Variants in ABCA13 observed in about 807,000 individuals in gnomAD.
The protein encoded by ABCA13 is ATP-binding cassette sub-family A member 13.
ABCA13 carries 476 observed loss-of-function variants against 478.7 expected under a neutral mutation model. The observed-to-expected ratio is 0.99, with a 90% confidence interval of 0.92 to 1.07. The LOEUF is 1.07. Ranked by LOEUF, ABCA13 falls within the 50% of genes least tolerant of loss-of-function variation. The pLI is 0.00. For synonymous variants in ABCA13, 2,252 were observed against 2,158.9 expected (o/e 1.04, Z -1.20); for missense variants, 6,060 against 5,910.6 (o/e 1.03, Z -0.83).
chr7:48,393,240 T>C (rs963923105), intron 38 of ABCA13, among the ~76,000 whole-genome samples: 1 of 152,188 alleles, frequency 6.6e-6, no homozygotes, highest in Non-Finnish European at 1.5e-5. Flanking sequence ...AATCCAGTGC[T>C]GGGGTCATCG....
At chr7:48,459,282 GC>G (rs1826000998) in intron 43 of ABCA13, among the ~76,000 whole-genome samples, 3 of 152,080 alleles carry the variant, frequency 2.0e-5, no homozygotes, top group African/African-American at 7.2e-5. Context: ...GCTCCATATT[GC>G]CCAAGGGATG....
chr7:48,439,124 A>T (rs891023156), intron 42 of ABCA13, among the ~76,000 whole-genome samples: 2 of 152,112 alleles, frequency 1.3e-5, no homozygotes, highest in East Asian at 3.9e-4. Flanking sequence ...ATTTTCTCAC[A>T]GTTTCTTTTG....
At chr7:48,339,751 G>A (rs865775595) in intron 29 of ABCA13, among the ~76,000 whole-genome samples, 11 of 152,214 alleles carry the variant, frequency 7.2e-5, no homozygotes, top group Middle Eastern at 3.4e-3. Flanking sequence ...TTCTGCTTCC[G>A]CCTGACGCTA....
chr7:48,324,443 T>C (rs1803996120), intron 27 of ABCA13, among the ~76,000 whole-genome samples: 1 of 152,212 alleles, frequency 6.6e-6, no homozygotes, highest in South Asian at 2.1e-4. Context: ...GGGTTAAGAC[T>C]TCAGCATATG....
chr7:48,353,680 TA>T (rs372951799), intron 31 of ABCA13, among the ~76,000 whole-genome samples: 1 of 151,586 alleles, frequency 6.6e-6, no homozygotes, highest in African/African-American at 2.4e-5. Context: ...GCTGCATACA[TA>T]ATAGCACATC....
rs376187591 is a variant in ABCA13 at position 48,248,359 on chromosome 7, C to T, written c.1780C>T (p.Arg594Trp). The T allele has an allele frequency of 2.1e-4, 334 of 1,613,646 alleles. 2 individuals are homozygous for T. The highest frequency in any genetic ancestry group is 2.6e-4 in the Non-Finnish European group (302 of 1,179,750). ...GTCAGAAGCAAGCCTTTCCTGTACT[C>T]GGCTCTTCCTGCTGCTGGGAGCTGA... ...QLSEASLSCT[R>W]LFLLLGADPS... Residue 594 changes from arginine (R) to tryptophan (W), a missense_variant, in exon 14 of 62, where the codon CGG (arginine) becomes TGG (tryptophan). By Grantham distance (101) the Arg-to-Trp change is moderately radical (BLOSUM62 -3). This residue lies in a region of ABCA13 where 4,423 missense variants were observed against 4,309.1 expected (regional missense o/e 1.03). Transcript: ENST00000435803.
At chr7:48,356,665 A>C (rs1809975564) in intron 31 of ABCA13, among the ~76,000 whole-genome samples, 2 of 151,844 alleles carry the variant, frequency 1.3e-5, no homozygotes, top group Non-Finnish European at 2.9e-5. Flanking sequence ...CCAGCAGCTC[A>C]TGGAACTAAT....
intron 3 of ABCA13, among the ~76,000 whole-genome samples, chr7:48,207,174 G>A (rs1031369159): frequency 3.3e-5 from 5 of 151,914 alleles, no homozygotes; most frequent in Admixed American, 1.3e-4. Flanking sequence ...AATAATATAC[G>A]TACTACATTT....
intron 37 of ABCA13, among the ~76,000 whole-genome samples, chr7:48,390,295 C>T (rs1044823933): frequency 1.4e-4 from 21 of 152,152 alleles, no homozygotes; most frequent in African/African-American, 4.8e-4. Context: ...TTGAGTCATC[C>T]TAAGTGGCTG....
chr7:48,582,094 A>G (rs1195895803), intron 56 of ABCA13, among the ~76,000 whole-genome samples: 7 of 152,230 alleles, frequency 4.6e-5, no homozygotes, highest in African/African-American at 1.7e-4. Context: ...GAGAAATTAG[A>G]CACAGTTTAA....
At chr7:48,410,977 C>CTCTTTCTTTTTCTT (rs1818946347) in intron 40 of ABCA13, among the ~76,000 whole-genome samples, 2 of 104,642 alleles carry the variant, frequency 1.9e-5, no homozygotes, top group Non-Finnish European at 4.0e-5. Context: ...AAATTCTTTT[C>CTCTTTCTTTTTCTT]TCTTTCTTTC....
At chr7:48,248,526 A>G in intron 14 of ABCA13, 82 bp downstream of exon 14, 1 of 1,126,742 alleles carries the variant, frequency 8.9e-7, no homozygotes, top group East Asian at 2.4e-5. Context: ...CAAATGATAG[A>G]TCAATATGGT....
intron 59 of ABCA13, among the ~76,000 whole-genome samples, chr7:48,639,973 T>A (rs1158143194): frequency 6.6e-6 from 1 of 152,222 alleles, no homozygotes; most frequent in African/African-American, 2.4e-5. Flanking sequence ...TTCAAAATAG[T>A]ATAAAGAATA....
intron 44 of ABCA13, among the ~76,000 whole-genome samples, chr7:48,468,227 A>G (rs1381024246): frequency 6.6e-6 from 1 of 152,172 alleles, no homozygotes; most frequent in East Asian, 1.9e-4. Context: ...TTGTTTGGAC[A>G]CGTATTTTAC....
chr7:48,638,392 CT>C (rs1213971790), intron 59 of ABCA13, among the ~76,000 whole-genome samples: 1 of 152,152 alleles, frequency 6.6e-6, no homozygotes, highest in Admixed American at 6.5e-5. Flanking sequence ...AATCAAGCTT[CT>C]TTTTTATTGT....
At chr7:48,548,042 GTCTTT>G (rs1423794278) in intron 55 of ABCA13, among the ~76,000 whole-genome samples, 3 of 151,862 alleles carry the variant, frequency 2.0e-5, no homozygotes, top group Non-Finnish European at 2.9e-5. Flanking sequence ...TGTCTTTTGT[GTCTTT>G]TCAAGAACAA....
chr7:48,497,730 C>T lies in ABCA13; in HGVS notation c.13291+8386C>T, dbSNP rs1830397027. ...ACATTCATGGCAAATGAGGCACTGA[C>T]TCATGCTGTCTCATTGTCTCTAAGT... On this transcript the variant is annotated intron_variant, in intron 48 of 61. Coordinates refer to ENST00000435803, the MANE Select transcript of ABCA13 (RefSeq NM_152701.5). 2.0e-5 allele frequency among the ~76,000 whole-genome samples: 3 copies of T among 148,950 alleles called. No homozygotes were observed. In the South Asian group the frequency reaches 6.3e-4, roughly 31 times the overall value.
At chr7:48,174,418 A>T (rs150928047) in intron 1 of ABCA13, among the ~76,000 whole-genome samples, 140,041 of 152,130 alleles carry the variant, frequency 0.92, 65,282 homozygotes, top group Non-Finnish European at 0.99. Context: ...ATTTACTTTT[A>T]AAAAATCTTT....
chr7:48,419,261 A>C (rs1351141431), intron 41 of ABCA13, among the ~76,000 whole-genome samples: 1 of 152,224 alleles, frequency 6.6e-6, no homozygotes, highest in Non-Finnish European at 1.5e-5. Flanking sequence ...ATATTATGCT[A>C]TATTCCTTAA....
Sources: gnomAD v4.1 joint callset for allele counts (sites outside exome capture counted in the v4.1 genomes callset) on GRCh38, gnomAD v4.1.1 for gene constraint, gnomAD v4.1.1 regional missense constraint, MANE v1.5 for transcripts, NCBI Gene and HGNC (gene_info 2026-07-23, HGNC 2026-07-21) for gene names.